Variants in GPR55 observed in about 807,000 individuals in gnomAD.
GPR55 encodes G-protein coupled receptor 55.
GPR55 carries 6 observed loss-of-function variants against 7.9 expected under a neutral mutation model. That is an observed-to-expected ratio of 0.76 (90% CI 0.41 to 1.49). The LOEUF (loss-of-function observed/expected upper bound fraction) is 1.49, where lower values mean the gene tolerates loss of function less well. GPR55 is among the 40% of genes most tolerant of loss of function. The probability of loss-of-function intolerance (pLI) is 0.01; values close to 1 mark genes in which losing one functional copy is unlikely to be tolerated. For missense variants in GPR55, 376 were observed against 406.0 expected (o/e 0.93, Z 0.63); for synonymous variants, 183 against 166.8 (o/e 1.10, Z -0.75).
intron 1 of GPR55, among the ~76,000 whole-genome samples, chr2:230,951,756 G>GT (rs869195749): frequency 0.052 from 2,482 of 47,474 alleles, 55 homozygotes; most frequent in African/African-American, 0.21. Flanking sequence ...TGTTATTGGG[G>GT]TTTTTTTTTT....
chr2:230,936,408 G>A (rs977734172), intron 1 of GPR55, among the ~76,000 whole-genome samples: 15 of 152,162 alleles, frequency 9.9e-5, no homozygotes, highest in Non-Finnish European at 1.9e-4. Context: ...AGATCTGATG[G>A]TTTTATAAGG....
At chr2:230,950,118 C>G (rs1310178983) in intron 1 of GPR55, among the ~76,000 whole-genome samples, 1 of 152,268 alleles carries the variant, frequency 6.6e-6, no homozygotes, top group Non-Finnish European at 1.5e-5. Flanking sequence ...TGAGCCATCA[C>G]GCCCAGCCAG....
intron 1 of GPR55, among the ~76,000 whole-genome samples, chr2:230,936,682 C>A (rs1351326255): frequency 2.0e-5 from 3 of 152,122 alleles, no homozygotes; most frequent in Non-Finnish European, 4.4e-5. Context: ...CAAAGGGGAC[C>A]AAGGAGAGCA....
In GPR55 at chr2:230,907,816, T is replaced by C. The variant is rs1690487794; in HGVS notation, c.*2187A>G. 6.6e-6 allele frequency: 1 copy of C among 152,260 alleles called. No individual in the cohort carries two copies. Among genetic ancestry groups the C allele is most frequent in the Non-Finnish European group, 1.5e-5 (1 of 68,096 alleles). 9.4% of individuals were successfully genotyped at this position (152,260 alleles called of 1,614,324 possible). A position where few individuals can be genotyped will look rare whatever the true frequency, so the allele number is the denominator to read the frequency against. ...GTTTGAACATCGCTGGGGATGATAG[T>C]TGGTTAGGTCCACCCACCCTTGTCT... On this transcript the variant is annotated 3_prime_UTR_variant, in exon 2 of 2. Coordinates refer to ENST00000650999, the MANE Select transcript of GPR55 (RefSeq NM_005683.4).
intron 1 of GPR55, among the ~76,000 whole-genome samples, chr2:230,941,940 G>A (rs1026274321): frequency 3.3e-5 from 5 of 152,186 alleles, no homozygotes; most frequent in African/African-American, 4.8e-5. Flanking sequence ...ATCATTGAGA[G>A]ATGGCCCTTT....
intron 1 of GPR55, among the ~76,000 whole-genome samples, chr2:230,950,655 C>T (rs1691386560): frequency 1.3e-5 from 2 of 152,188 alleles, no homozygotes; most frequent in African/African-American, 4.8e-5. Flanking sequence ...TAAGTACACA[C>T]GTGTTGGCTT....
upstream of GPR55, chr2:230,961,126 G>C (rs1260631030): frequency 6.6e-6 from 1 of 152,176 alleles, no homozygotes; most frequent in Admixed American, 6.5e-5. Flanking sequence ...TCTGCCCTAG[G>C]GGAAGGGCAA....
At chr2:230,930,524 C>CACTGCA (rs1044364125) in intron 1 of GPR55, among the ~76,000 whole-genome samples, 1 of 151,200 alleles carries the variant, frequency 6.6e-6, no homozygotes, top group Non-Finnish European at 1.5e-5. Flanking sequence ...GATCTCAGCT[C>CACTGCA]ACTGCAACCT....
intron 1 of GPR55, among the ~76,000 whole-genome samples, chr2:230,930,872 T>G (rs904148302): frequency 1.3e-5 from 2 of 152,248 alleles, no homozygotes; most frequent in Non-Finnish European, 2.9e-5. Flanking sequence ...CTTCTGTAGT[T>G]TGAGTAACTA....
At chr2:230,932,704 T>C (rs1691067694) in intron 1 of GPR55, among the ~76,000 whole-genome samples, 1 of 152,168 alleles carries the variant, frequency 6.6e-6, no homozygotes, top group South Asian at 2.1e-4. Context: ...TCTTGCTTCG[T>C]GTCTGGCCGT....
At chr2:230,948,589 A>G (rs1204449707) in intron 1 of GPR55, among the ~76,000 whole-genome samples, 2 of 152,150 alleles carry the variant, frequency 1.3e-5, no homozygotes, top group Non-Finnish European at 2.9e-5. Context: ...CATGGTGAAG[A>G]GTCAGTTATA....
intron 1 of GPR55, among the ~76,000 whole-genome samples, chr2:230,933,943 A>G (rs1691093761): frequency 6.6e-6 from 1 of 152,196 alleles, no homozygotes; most frequent in East Asian, 1.9e-4. Flanking sequence ...TTCTGAGGCC[A>G]CATCTGCAGT....
In GPR55 at chr2:230,908,060, C is replaced by G. The variant is rs1690494575; in HGVS notation, c.*1943G>C. On this transcript the variant is annotated 3_prime_UTR_variant, in exon 2 of 2. Transcript: ENST00000650999. Reference sequence around the variant, plus strand: ...CTCCCTCAGAGTATCACGGGTGGGTCTCTGTCTAGGGTGGCCATGGGAGAG... The same window carrying G: ...CTCCCTCAGAGTATCACGGGTGGGTGTCTGTCTAGGGTGGCCATGGGAGAG... The G allele has an allele frequency of 6.6e-6, 1 of 150,748 alleles. No individual in the cohort carries two copies. 9.3% of individuals were successfully genotyped at this position (150,748 alleles called of 1,614,324 possible). A position where few individuals can be genotyped will look rare whatever the true frequency, so the allele number is the denominator to read the frequency against.
chr2:230,910,145 G>T lies in GPR55; in HGVS notation c.818C>A (p.Ser273Tyr). 6.2e-7 allele frequency: 1 copy of T among 1,614,172 alleles called. No individual in the cohort carries two copies. The highest frequency in any genetic ancestry group is 8.5e-7 in the Non-Finnish European group (1 of 1,180,030). Residue 273 changes from serine to tyrosine, a missense_variant, in exon 2 of 2, where the codon TCC becomes TAC. Coordinates refer to ENST00000650999, the MANE Select transcript of GPR55 (RefSeq NM_005683.4). The surrounding 1 kb of genome is among the most constrained non-coding windows in gnomAD (Gnocchi z 5.4). Reference sequence around the variant, plus strand: ...GCAGTTGACGTTGGAGAAACACATGGACAATTGCAAGAAGAAGCTGATGCT... The same window carrying T: ...GCAGTTGACGTTGGAGAAACACATGTACAATTGCAAGAAGAAGCTGATGCT... ...KQSISFFLQL[S>Y]MCFSNVNCCL...
At chr2:230,915,030 G>A (rs1426276372) in intron 1 of GPR55, among the ~76,000 whole-genome samples, 4 of 152,230 alleles carry the variant, frequency 2.6e-5, no homozygotes, top group Admixed American at 2.0e-4. Flanking sequence ...CCAAGCCATG[G>A]GGCATCTCTG....
chr2:230,923,638 G>C lies in GPR55; in HGVS notation c.-135+1530C>G, dbSNP rs1458769649. On this transcript the variant is annotated intron_variant, in intron 1 of 1. Transcript: ENST00000650999. The surrounding 1 kb of genome is among the most constrained non-coding windows in gnomAD (Gnocchi z 4.1). ...TGGGGCTGGGAGAGGGGAGGGGCCG[G>C]CTTGGGGACGTGAAAGGTGGCCAGC... Among the ~76,000 whole-genome samples the C allele has an allele frequency of 6.6e-6, 1 of 152,070 alleles. No individual in the cohort carries two copies. The highest frequency in any genetic ancestry group is 2.4e-5 in the African/African-American group (1 of 41,384).
At chr2:230,922,222 G>C (rs186655233) in intron 1 of GPR55, among the ~76,000 whole-genome samples, 1 of 152,288 alleles carries the variant, frequency 6.6e-6, no homozygotes, top group East Asian at 1.9e-4. Flanking sequence ...TGGTGAAAAG[G>C]AGAGAAAGTA....
intron 1 of GPR55, among the ~76,000 whole-genome samples, chr2:230,959,981 G>A (rs73095552): frequency 0.075 from 11,479 of 152,242 alleles, 676 homozygotes; most frequent in African/African-American, 0.17. Context: ...GCTCTCCCTG[G>A]GGGTTGCCCG....
Position 230,909,850 on chromosome 2 carries a change from T to C in GPR55, c.*153A>G. 1 of 775,960 alleles carries C rather than the reference T, an allele frequency of 1.3e-6. No individual in the cohort carries two copies. Among genetic ancestry groups the C allele is most frequent in the Non-Finnish European group, 2.1e-6 (1 of 475,496 alleles). 48.1% of individuals were successfully genotyped at this position (775,960 alleles called of 1,614,324 possible). ...CAGTGGAAAAAAGGTCTTTGGGGTA[T>C]AATGAGCAAAGCTGGCACTCAATGG... On this transcript the variant is annotated 3_prime_UTR_variant, in exon 2 of 2. Coordinates refer to ENST00000650999, the MANE Select transcript of GPR55 (RefSeq NM_005683.4).
Sources: allele counts gnomAD v4.1 joint callset (sites outside exome capture counted in the v4.1 genomes callset), GRCh38; gene constraint gnomAD v4.1.1; non-coding constraint Gnocchi (gnomAD v3.1); transcripts MANE v1.5; gene names NCBI Gene and HGNC (gene_info 2026-07-23, HGNC 2026-07-21).